Variants in PTPRM observed in about 807,000 individuals in gnomAD.
PTPRM encodes the protein receptor-type tyrosine-protein phosphatase mu.
In PTPRM, 47 loss-of-function variants were observed where a neutral mutation model predicts 186.7. The ratio of observed to expected loss-of-function variants is 0.25; its 90% CI spans 0.20 to 0.32. The LOEUF (loss-of-function observed/expected upper bound fraction) is 0.32, where lower values mean the gene tolerates loss of function less well. Among genes scored for constraint, PTPRM ranks in the 10% least tolerant of loss-of-function variants. The pLI, the probability that PTPRM is intolerant of heterozygous loss-of-function variation, is 1.00. For missense variants in PTPRM, 1,494 were observed against 1,865.0 expected, an observed-to-expected ratio of 0.80 and a Z score of 3.66; for synonymous variants, 668 against 674.9, an observed-to-expected ratio of 0.99 and a Z score of 0.16.
intron 19 of PTPRM, among the ~76,000 whole-genome samples, chr18:8,266,335 G>A (rs2094700125): frequency 1.5e-5 from 2 of 134,122 alleles, no homozygotes; most frequent in South Asian, 2.4e-4. Flanking sequence ...TTGTTCTTTC[G>A]CTCTTCACTG....
Position 8,384,603 on chromosome 18 carries a change from G to A in PTPRM, c.3961G>A (p.Gly1321Ser), listed in dbSNP as rs368817148. The A allele has an allele frequency of 1.2e-4, 196 of 1,613,982 alleles. No homozygotes were observed. Among genetic ancestry groups the A allele is most frequent in the Non-Finnish European group, 1.6e-4 (185 of 1,180,004 alleles). Residue 1321 changes from glycine (G) to serine (S), a missense_variant, in exon 30 of 33, where the codon GGC becomes AGC. By Grantham distance (56) the Gly-to-Ser change is moderately conservative (BLOSUM62 0). This residue lies in a region of PTPRM where 1,107 missense variants were observed against 1,350.2 expected (regional missense o/e 0.82). Transcript: ENST00000580170. Reference protein sequence around the residue: ...YWPENGVHRHGPIQVEFVSAD... With the variant: ...YWPENGVHRHSPIQVEFVSAD... Reference sequence around the variant, plus strand: ...GCCAGAAAACGGAGTACACAGACACGGCCCCATCCAGGTGGAATTTGTCTC... The same window carrying A: ...GCCAGAAAACGGAGTACACAGACACAGCCCCATCCAGGTGGAATTTGTCTC...
rs16952815 is a variant in PTPRM at position 8,070,077 on chromosome 18, T to C, written c.1441+83T>C. 4.2e-3 allele frequency: 5,381 copies of C among 1,270,148 alleles called. 159 individuals carry two copies. The South Asian group carries it at 0.048, about 11-fold the overall frequency. The allele number at this position is 1,270,148 out of a possible 1,614,324, so 78.7% of individuals were successfully genotyped here. A position where few individuals can be genotyped will look rare whatever the true frequency, so the allele number is the denominator to read the frequency against. ...TGTTTCGAGATCTTTGCTGTGCAGA[T>C]GGAAGAAAGAACTACTTATTTTGTT... On this transcript the variant is annotated intron_variant, in intron 8 of 32. Transcript: ENST00000580170.
chr18:7,934,467 G>A (rs572324731), intron 5 of PTPRM, among the ~76,000 whole-genome samples: 1 of 152,178 alleles, frequency 6.6e-6, no homozygotes, highest in Non-Finnish European at 1.5e-5. Context: ...AGAGAAAAGA[G>A]GGAAACCTTG....
chr18:7,626,945 G>A (rs1040720133), intron 1 of PTPRM, among the ~76,000 whole-genome samples: 1 of 152,006 alleles, frequency 6.6e-6, no homozygotes, highest in African/African-American at 2.4e-5. Context: ...ACAATTCCGT[G>A]GTTTATCCAA....
chr18:8,252,444 C>T, intron 17 of PTPRM, 44 bp from the exon 18 acceptor site: 2 of 1,499,622 alleles, frequency 1.3e-6, no homozygotes, highest in Non-Finnish European at 1.9e-6. Flanking sequence ...GCCCTGTTTC[C>T]TTTTTCTCCT....
In PTPRM at chr18:8,387,218, C is replaced by T; in HGVS notation, c.4191C>T (p.Arg1397=). 1.2e-6 allele frequency: 2 copies of T among 1,613,912 alleles called. No individual in the cohort carries two copies. The highest frequency in any genetic ancestry group is 2.7e-5 in the African/African-American group (2 of 75,016). ...WQEEYNGGEG[R]TVVHCLNGGG... ...AGGAGTACAATGGCGGGGAAGGCCGCACGGTTGTGCACTGCTTGTAAGTGC... is the reference window on the plus strand; with the variant it reads ...AGGAGTACAATGGCGGGGAAGGCCGTACGGTTGTGCACTGCTTGTAAGTGC... The change falls in exon 31 of 33, where the codon CGC becomes CGT. Residue 1397 remains arginine (R), a synonymous_variant. Coordinates refer to ENST00000580170, the MANE Select transcript of PTPRM (RefSeq NM_001105244.2).
intron 13 of PTPRM, among the ~76,000 whole-genome samples, chr18:8,132,981 T>A (rs1487389846): frequency 2.0e-5 from 3 of 152,150 alleles, no homozygotes; most frequent in Admixed American, 2.0e-4. Context: ...TTTATTTGAC[T>A]CATGGTTCTG....
intron 14 of PTPRM, among the ~76,000 whole-genome samples, chr18:8,238,681 T>C (rs1419687030): frequency 7.3e-6 from 1 of 137,098 alleles, no homozygotes; most frequent in African/African-American, 2.6e-5. Context: ...TTTTTTTTTT[T>C]TTTGCGAAGC....
intron 14 of PTPRM, among the ~76,000 whole-genome samples, chr18:8,169,613 C>T (rs1302579702): frequency 1.3e-5 from 2 of 152,108 alleles, no homozygotes; most frequent in East Asian, 1.9e-4. Context: ...TATGAGATTC[C>T]GTATAATTCA....
intron 5 of PTPRM, among the ~76,000 whole-genome samples, chr18:7,942,351 G>T (rs1197360761): frequency 1.3e-5 from 2 of 151,926 alleles, no homozygotes; most frequent in East Asian, 3.9e-4. Flanking sequence ...ATGAAGACCC[G>T]AATACTCAGG....
intron 7 of PTPRM, among the ~76,000 whole-genome samples, chr18:8,049,647 A>C (rs1322384849): frequency 6.7e-6 from 1 of 149,518 alleles, no homozygotes; most frequent in Non-Finnish European, 1.5e-5. Context: ...ATAGAGAAAC[A>C]TAATAAACAT....
At chr18:7,718,520 A>G (rs2040386402) in intron 1 of PTPRM, among the ~76,000 whole-genome samples, 1 of 152,234 alleles carries the variant, frequency 6.6e-6, no homozygotes, top group African/African-American at 2.4e-5. Flanking sequence ...TTTGTGACTA[A>G]CAACTCAAAA....
At chr18:8,031,400 T>G (rs1161636906) in intron 7 of PTPRM, among the ~76,000 whole-genome samples, 1 of 152,134 alleles carries the variant, frequency 6.6e-6, no homozygotes, top group Non-Finnish European at 1.5e-5. Context: ...CATCATGCGT[T>G]TGATATTTGG....
At chr18:8,166,439 G>A (rs1391675808) in intron 14 of PTPRM, among the ~76,000 whole-genome samples, 2 of 152,110 alleles carry the variant, frequency 1.3e-5, no homozygotes, top group Non-Finnish European at 2.9e-5. Context: ...ACATCTGTAA[G>A]GAACCTATTA....
At chr18:7,989,151 C>T (rs538187872) in intron 7 of PTPRM, among the ~76,000 whole-genome samples, 67 of 152,134 alleles carry the variant, frequency 4.4e-4, no homozygotes, top group African/African-American at 1.6e-3. Flanking sequence ...CTAATTACCA[C>T]TGACACAAAC....
chr18:7,872,801 T>C (rs2048046441), intron 2 of PTPRM, among the ~76,000 whole-genome samples: 1 of 152,208 alleles, frequency 6.6e-6, no homozygotes, highest in African/African-American at 2.4e-5. Flanking sequence ...TAATAGATAA[T>C]GTTTGTCTTC....
chr18:7,615,966 C>T (rs760710746), intron 1 of PTPRM, among the ~76,000 whole-genome samples: 2 of 152,018 alleles, frequency 1.3e-5, no homozygotes, highest in Non-Finnish European at 2.9e-5. Context: ...ATAGGGTGTG[C>T]ACTCCTATGA....
chr18:7,636,635 G>T (rs1378945291), intron 1 of PTPRM, among the ~76,000 whole-genome samples: 1 of 152,158 alleles, frequency 6.6e-6, no homozygotes, highest in Non-Finnish European at 1.5e-5. Context: ...GTCAGTACAG[G>T]ACAGAGGAGG....
At chr18:8,348,333 C>T (rs1446583531) in intron 23 of PTPRM, among the ~76,000 whole-genome samples, 1 of 152,256 alleles carries the variant, frequency 6.6e-6, no homozygotes, top group African/African-American at 2.4e-5. Context: ...GGAGACCTTT[C>T]CTGTCGCAGC....
Sources: gnomAD v4.1 joint callset for allele counts (sites outside exome capture counted in the v4.1 genomes callset) on GRCh38, gnomAD v4.1.1 for gene constraint, gnomAD v4.1.1 regional missense constraint, MANE v1.5 for transcripts, NCBI Gene and HGNC (gene_info 2026-07-23, HGNC 2026-07-21) for gene names.